TBC1D1: variants seen among roughly 807,000 people sequenced by gnomAD.
The protein encoded by TBC1D1 is TBC1 (tre-2/USP6, BUB2, cdc16) domain family, member 1.
TBC1D1 carries 89 observed loss-of-function variants against 125.6 expected under a neutral mutation model. That is an observed-to-expected ratio of 0.71 (90% CI 0.60 to 0.85). TBC1D1 has a LOEUF of 0.85. TBC1D1 is among the 40% of genes least tolerant of loss of function. The probability of loss-of-function intolerance (pLI) is 0.00; values close to 1 mark genes in which losing one functional copy is unlikely to be tolerated. For synonymous variants in TBC1D1, 565 were observed against 564.1 expected, an observed-to-expected ratio of 1.00 and a Z score of -0.02; for missense variants, 1,377 against 1,469.2, an observed-to-expected ratio of 0.94 and a Z score of 1.03.
intron 12 of TBC1D1, among the ~76,000 whole-genome samples, chr4:38,065,577 A>G (rs949024068): frequency 2.0e-5 from 3 of 151,792 alleles, no homozygotes; most frequent in Non-Finnish European, 4.4e-5. Context: ...AATTATCTTT[A>G]TCATGTATTA....
intron 2 of TBC1D1, among the ~76,000 whole-genome samples, chr4:38,011,889 G>T (rs1741586374): frequency 6.6e-6 from 1 of 152,200 alleles, no homozygotes; most frequent in African/African-American, 2.4e-5. Context: ...ACAGTTAAGT[G>T]ATCTACTTTG....
chr4:38,024,247 T>G (rs1744641827), intron 6 of TBC1D1, among the ~76,000 whole-genome samples: 1 of 152,220 alleles, frequency 6.6e-6, no homozygotes, highest in African/African-American at 2.4e-5. Flanking sequence ...AGTTCCCAAC[T>G]GAGAGGATCA....
At chr4:37,974,747 C>T (rs143900481) in intron 2 of TBC1D1, among the ~76,000 whole-genome samples, 13,835 of 151,746 alleles carry the variant, frequency 0.091, 1,273 homozygotes, top group East Asian at 0.47. Flanking sequence ...TTAGTAGAGA[C>T]GAGGTTTCGC....
At chr4:38,118,603 A>C (rs926877407) in intron 17 of TBC1D1, 11 of 160,416 alleles carry the variant, frequency 6.9e-5, no homozygotes, top group African/African-American at 2.4e-4. Flanking sequence ...TTCCCTTGGC[A>C]TCTCTTCCTC....
chr4:38,134,993 G>T (rs191986981), intron 19 of TBC1D1, among the ~76,000 whole-genome samples: 2 of 152,346 alleles, frequency 1.3e-5, no homozygotes, highest in East Asian at 3.9e-4. Flanking sequence ...CTCTCAAAGA[G>T]TTGGATCTAG....
chr4:38,025,687 A>G (rs1744942201), intron 6 of TBC1D1, among the ~76,000 whole-genome samples: 1 of 152,220 alleles, frequency 6.6e-6, no homozygotes. Context: ...TTCGGCTGTC[A>G]GAGATGTCCT....
intron 2 of TBC1D1, among the ~76,000 whole-genome samples, chr4:38,003,871 A>C (rs1426587166): frequency 6.8e-6 from 1 of 147,276 alleles, no homozygotes; most frequent in East Asian, 2.0e-4. Context: ...CCTGTCTCAA[A>C]AAAAAAAAAA....
chr4:38,039,399 G>A (rs1428635528), intron 8 of TBC1D1, among the ~76,000 whole-genome samples: 1 of 151,986 alleles, frequency 6.6e-6, no homozygotes, highest in Non-Finnish European at 1.5e-5. Flanking sequence ...TTACAGGTGT[G>A]AGCCACCGCG....
intron 7 of TBC1D1, among the ~76,000 whole-genome samples, chr4:38,031,370 C>T (rs1278567338): frequency 6.6e-6 from 1 of 152,142 alleles, no homozygotes; most frequent in African/African-American, 2.4e-5. Flanking sequence ...TTTTTACTTT[C>T]TGAAGAATAT....
intron 12 of TBC1D1, among the ~76,000 whole-genome samples, chr4:38,083,998 C>T (rs1294757259): frequency 6.8e-6 from 1 of 146,136 alleles, no homozygotes; most frequent in East Asian, 2.1e-4. Flanking sequence ...AGTGCAGTGG[C>T]ACTATCTTGG....
At chr4:37,913,423 A>T (rs1719023807) in intron 2 of TBC1D1, among the ~76,000 whole-genome samples, 1 of 151,730 alleles carries the variant, frequency 6.6e-6, no homozygotes, top group Non-Finnish European at 1.5e-5. Context: ...ACATGGAGAA[A>T]CCCCATCTCT....
chr4:38,060,560 C>A, intron 12 of TBC1D1: 1 of 1,123,832 alleles, frequency 8.9e-7, no homozygotes, highest in Non-Finnish European at 1.2e-6. Context: ...GACATATTTG[C>A]TCCTCTGAGT....
intron 2 of TBC1D1, among the ~76,000 whole-genome samples, chr4:37,925,241 C>T (rs1409473369): frequency 6.6e-6 from 1 of 152,186 alleles, no homozygotes; most frequent in African/African-American, 2.4e-5. Context: ...TGGTGCAGGG[C>T]CAGGTCTACC....
chr4:38,011,600 T>C (rs986991631), intron 2 of TBC1D1, among the ~76,000 whole-genome samples: 1 of 152,184 alleles, frequency 6.6e-6, no homozygotes, highest in Non-Finnish European at 1.5e-5. Flanking sequence ...ACCTCAATTA[T>C]CTCCTTTATA....
intron 12 of TBC1D1, among the ~76,000 whole-genome samples, chr4:38,088,776 C>T (rs994426414): frequency 1.2e-4 from 19 of 152,078 alleles, no homozygotes; most frequent in Admixed American, 1.2e-3. Flanking sequence ...GAAGTGGAAG[C>T]ATCAGGAGGT....
intron 2 of TBC1D1, among the ~76,000 whole-genome samples, chr4:37,978,959 C>T (rs541358121): frequency 6.6e-6 from 1 of 152,314 alleles, no homozygotes; most frequent in East Asian, 1.9e-4. Context: ...TCACTGCAAC[C>T]CCCACCTACC....
At chr4:38,039,338 C>T (rs184265015) in intron 8 of TBC1D1, among the ~76,000 whole-genome samples, 4 of 151,920 alleles carry the variant, frequency 2.6e-5, no homozygotes, top group South Asian at 2.1e-4. Context: ...GTGATGGTCT[C>T]GATCTCCTGA....
intron 4 of TBC1D1, 79 bp from the exon 5 acceptor site, chr4:38,020,512 G>A (rs1743778295): frequency 2.7e-6 from 3 of 1,125,284 alleles, no homozygotes; most frequent in African/African-American, 1.6e-5. Context: ...AAATTGTGCT[G>A]TATAAATCTT....
At chr4:37,948,575 C>T (rs1727208245) in intron 2 of TBC1D1, among the ~76,000 whole-genome samples, 1 of 150,442 alleles carries the variant, frequency 6.6e-6, no homozygotes, top group African/African-American at 2.5e-5. Flanking sequence ...TGCAGTGAGC[C>T]GAGATCTCAC....
Sources: allele counts gnomAD v4.1 joint callset (sites outside exome capture counted in the v4.1 genomes callset), GRCh38; gene constraint gnomAD v4.1.1; transcripts MANE v1.5; gene names NCBI Gene and HGNC (gene_info 2026-07-23, HGNC 2026-07-21).